The following SYNE1 variants were observed in gnomAD, a reference collection of about 807,000 sequenced individuals.
SYNE1 encodes the protein spectrin repeat containing nuclear envelope protein 1.
A neutral mutation model predicts 1,111.0 loss-of-function variants in SYNE1; 616 were observed. That is an observed-to-expected ratio of 0.55 (90% CI 0.52 to 0.59). The LOEUF is 0.59. SYNE1 is among the 20% of genes least tolerant of loss of function. The pLI, the probability that SYNE1 is intolerant of heterozygous loss-of-function variation, is 0.00. For synonymous variants in SYNE1, 3,855 were observed against 3,825.8 expected (o/e 1.01, Z -0.28); for missense variants, 10,006 against 10,417.0 (o/e 0.96, Z 1.72).
intron 115 of SYNE1, among the ~76,000 whole-genome samples, chr6:152,226,978 C>CTTTA (rs2081729830): frequency 6.6e-6 from 1 of 152,170 alleles, no homozygotes; most frequent in Non-Finnish European, 1.5e-5. Flanking sequence ...TTCCCAAATA[C>CTTTA]TTTAACTTTG....
rs1050285200 is a variant in SYNE1, at chr6:152,317,285, G to A, written c.16573-299C>T. ...CTGTCACCCCGGCTGGAATGCAGCA[G>A]CTGGATCATGGTTAATTACAGCCTC... On this transcript the variant is annotated intron_variant, in intron 86 of 145. Transcript: ENST00000367255. 2.0e-5 allele frequency among the ~76,000 whole-genome samples: 3 copies of A among 148,304 alleles called. 1 individual carries two copies. The highest frequency in any genetic ancestry group is 1.4e-4 in the Admixed American group (2 of 14,766).
intron 58 of SYNE1, among the ~76,000 whole-genome samples, chr6:152,375,384 G>A (rs922758598): frequency 2.0e-5 from 3 of 152,252 alleles, no homozygotes; most frequent in East Asian, 3.9e-4. Context: ...CTTCAAGCAC[G>A]AGTGCTTACA....
At chr6:152,369,341 A>G (rs2097138299) in intron 60 of SYNE1, 130 bp downstream of exon 60, 2 of 1,462,184 alleles carry the variant, frequency 1.4e-6, no homozygotes, top group East Asian at 2.3e-5. Context: ...TCCACCAGAA[A>G]TGGGGAAAAA....
chr6:152,253,552 A>G (rs2089915346), intron 104 of SYNE1, among the ~76,000 whole-genome samples: 1 of 152,212 alleles, frequency 6.6e-6, no homozygotes, highest in African/African-American at 2.4e-5. Context: ...TTGAACCCAG[A>G]CTGTTAGCTT....
In SYNE1 at chr6:152,135,236, C is replaced by G. The variant is rs1157056250; in HGVS notation, c.25660-4G>C. 6.2e-7 allele frequency: 1 copy of G among 1,613,918 alleles called. No homozygotes were observed. The highest frequency in any genetic ancestry group is 1.7e-5 in the Admixed American group (1 of 60,010). ...CATGGCTCATTTCATGGAAACCCTACAGAAAACAGTTTAAAGTAACTGTAA... is the reference window on the plus strand; with the variant it reads ...CATGGCTCATTTCATGGAAACCCTAGAGAAAACAGTTTAAAGTAACTGTAA... On this transcript the variant is annotated splice_region_variant and splice_polypyrimidine_tract_variant and intron_variant, in intron 141 of 145. Coordinates refer to ENST00000367255, the MANE Select transcript of SYNE1 (RefSeq NM_182961.4).
chr6:152,156,136 T>C (rs773302800), intron 131 of SYNE1, 39 bp from the exon 132 acceptor site: 14 of 1,610,748 alleles, frequency 8.7e-6, no homozygotes, highest in Middle Eastern at 1.7e-4. Context: ...AACAATTACA[T>C]GTATACAGAT....
chr6:152,444,573 T>C lies in SYNE1; in HGVS notation c.3675A>G (p.Glu1225=). 6.2e-7 allele frequency: 1 copy of C among 1,611,270 alleles called. No homozygotes were observed. Among genetic ancestry groups the C allele is most frequent in the Non-Finnish European group, 8.5e-7 (1 of 1,179,492 alleles). Residue 1225 remains glutamate, a synonymous_variant, in exon 30 of 146, where the codon GAA becomes GAG. Coordinates refer to ENST00000367255, the MANE Select transcript of SYNE1 (RefSeq NM_182961.4). ...KALVTLLSEV[E]KMLSNFGDCV... is the part of the protein sequence containing the mutation. Reference sequence around the variant, plus strand: ...AGTCCCCAAAATTGCTTAGCATCTTTTCAACCTATATTTTCATGAAAAAAA... The same window carrying C: ...AGTCCCCAAAATTGCTTAGCATCTTCTCAACCTATATTTTCATGAAAAAAA...
At chr6:152,627,220 C>A (rs2099687486) in intron 3 of SYNE1, among the ~76,000 whole-genome samples, 2 of 152,052 alleles carry the variant, frequency 1.3e-5, no homozygotes, top group African/African-American at 4.8e-5. Flanking sequence ...GACAAAGAAG[C>A]AATATCTTTA....
chr6:152,598,301 G>A (rs1161598659), intron 3 of SYNE1, among the ~76,000 whole-genome samples: 1 of 152,020 alleles, frequency 6.6e-6, no homozygotes, highest in East Asian at 1.9e-4. Context: ...CTCTTATCTT[G>A]CCTGCTGCCA....
intron 2 of SYNE1, among the ~76,000 whole-genome samples, chr6:152,634,025 G>A (rs979330923): frequency 6.6e-6 from 1 of 152,238 alleles, no homozygotes; most frequent in African/African-American, 2.4e-5. Flanking sequence ...TTGTGAAATA[G>A]CACAACTCAA....
intron 41 of SYNE1, among the ~76,000 whole-genome samples, chr6:152,413,991 TATA>T: frequency 1.1e-5 from 1 of 92,602 alleles, no homozygotes; most frequent in Non-Finnish European, 2.2e-5. Context: ...GCAGAATATA[TATA>T]TATATATATA....
At chr6:152,408,536 A>G (rs557222606) in intron 44 of SYNE1, among the ~76,000 whole-genome samples, 47 of 152,340 alleles carry the variant, frequency 3.1e-4, no homozygotes, top group Non-Finnish European at 6.0e-4. Flanking sequence ...GAGGCTATCA[A>G]GTGAAATTCC....
At position 152,330,990 on chromosome 6, in the gene SYNE1, C is replaced by T. The variant is rs530630718; in HGVS notation, c.13695G>A (p.Lys4565=). Residue 4565 remains lysine (K), a synonymous_variant, in exon 78 of 146, where the codon AAG becomes AAA. Coordinates refer to ENST00000367255, the MANE Select transcript of SYNE1 (RefSeq NM_182961.4). The part of the protein sequence containing the change: ...QELEKNLVSR[K]HFKEDFDKAC... ...CTTTATCAAAATCTTCCTTAAAATG[C>T]TTCCTAGAAACCAAATTCTTCTCTA... 7 of 1,614,148 alleles carry T rather than the reference C, an allele frequency of 4.3e-6. No individual in the cohort carries two copies. Among genetic ancestry groups the T allele is most frequent in the Middle Eastern group, 1.6e-4 (1 of 6,062 alleles).
At chr6:152,561,289 AT>A (rs986815289) in intron 3 of SYNE1, among the ~76,000 whole-genome samples, 1 of 152,120 alleles carries the variant, frequency 6.6e-6, no homozygotes, top group African/African-American at 2.4e-5. Context: ...CCAAAAAGAC[AT>A]TTTTTTCAAA....
rs1438902069 is a variant in SYNE1, at chr6:152,284,629, TTTTTTTTTA to T, written c.18013-466_18013-458del. On this transcript the variant is annotated intron_variant, in intron 95 of 145. Coordinates refer to ENST00000367255, the MANE Select transcript of SYNE1 (RefSeq NM_182961.4). The stretch of plus-strand genomic sequence containing the variant: ...CTGGTAATTTTTTTTTTTTTTTTTT[TTTTTTTTTA>T]CTTTTTGTAAAGACAGGATCATGCT... Among the ~76,000 whole-genome samples, 11 of 147,352 alleles carry T rather than the reference TTTTTTTTTA, an allele frequency of 7.5e-5. No individual in the cohort carries two copies. In the South Asian group the frequency reaches 1.1e-3, roughly 14 times the overall value.
At chr6:152,303,846 T>C (rs376737862) in intron 91 of SYNE1, among the ~76,000 whole-genome samples, 1 of 152,062 alleles carries the variant, frequency 6.6e-6, no homozygotes, top group Non-Finnish European at 1.5e-5. Flanking sequence ...GTTGAATTCA[T>C]GGATGCAGAA....
At chr6:152,344,278 T>A in intron 73 of SYNE1, 51 bp from the exon 74 acceptor site, 2 of 1,611,934 alleles carry the variant, frequency 1.2e-6, no homozygotes, top group Non-Finnish European at 1.7e-6. Flanking sequence ...TCTACCTCTA[T>A]AAAGATCATT....
At chr6:152,605,124 GGAAGGA>G (rs1231632384) in intron 3 of SYNE1, among the ~76,000 whole-genome samples, 12 of 127,010 alleles carry the variant, frequency 9.4e-5, no homozygotes, top group Non-Finnish European at 1.5e-4. Flanking sequence ...AAGGAAGGAA[GGAAGGA>G]GAAAGGAAAA....
At chr6:152,533,013 C>T (rs2099212611) in intron 4 of SYNE1, among the ~76,000 whole-genome samples, 1 of 152,044 alleles carries the variant, frequency 6.6e-6, no homozygotes, top group African/African-American at 2.4e-5. Context: ...ATCCTTGGAC[C>T]AGATCAAGTA....
Sources: gnomAD v4.1 joint callset for allele counts (sites outside exome capture counted in the v4.1 genomes callset) on GRCh38, gnomAD v4.1.1 for gene constraint, MANE v1.5 for transcripts, NCBI Gene and HGNC (gene_info 2026-07-23, HGNC 2026-07-21) for gene names.